The following ANKRD16 variants were observed in gnomAD, a reference collection of about 807,000 sequenced individuals.
ANKRD16 encodes the protein ankyrin repeat domain-containing protein 16.
In ANKRD16, 35 loss-of-function variants were observed where a neutral mutation model predicts 37.9. The ratio of observed to expected loss-of-function variants is 0.92; its 90% CI spans 0.71 to 1.23. The LOEUF is 1.23. ANKRD16 is among the 50% of genes most tolerant of loss of function. ANKRD16 has a pLI of 0.00. For missense variants in ANKRD16, 480 were observed against 469.9 expected (o/e 1.02, Z -0.20); for synonymous variants, 206 against 197.2 (o/e 1.04, Z -0.37).
intron 7 of ANKRD16, among the ~76,000 whole-genome samples, chr10:5,876,820 T>A (rs1454619859): frequency 1.3e-5 from 2 of 152,076 alleles, no homozygotes; most frequent in Admixed American, 1.3e-4. Context: ...TTAAAAAGCC[T>A]GATCTAGACT....
At position 5,874,205 on chromosome 10, in the gene ANKRD16, T is replaced by C. The variant is rs1483933011; in HGVS notation, c.*33+3892A>G. Among the ~76,000 whole-genome samples the C allele has an allele frequency of 2.6e-5, 4 of 152,216 alleles. No homozygotes were observed. Among genetic ancestry groups the C allele is most frequent in the South Asian group, 2.1e-4 (1 of 4,834 alleles). On this transcript the variant is annotated intron_variant, in intron 7 of 7. Transcript: ENST00000380094. This position sits in a 1 kb window ranked among gnomAD's most constrained non-coding sequence, Gnocchi z 4.7. ...TGCCTGGGCGAGACTTCTGCTTTGATTGAGCTTAGTAACACACACTCACCA... is the reference window on the plus strand; with the variant it reads ...TGCCTGGGCGAGACTTCTGCTTTGACTGAGCTTAGTAACACACACTCACCA...
At position 5,862,841 on chromosome 10, in the gene ANKRD16, C is replaced by A; in HGVS notation, c.*34-150G>T. 2.3e-6 allele frequency: 1 copy of A among 429,198 alleles called. No individual in the cohort carries two copies. Among genetic ancestry groups the A allele is most frequent in the South Asian group, 1.8e-5 (1 of 54,610 alleles). The allele number at this position is 429,198 out of a possible 1,614,324, so 26.6% of individuals were successfully genotyped here. A position where few individuals can be genotyped will look rare whatever the true frequency, so the allele number is the denominator to read the frequency against. On this transcript the variant is annotated intron_variant, in intron 7 of 7. Transcript: ENST00000380094. The surrounding 1 kb of genome is among the most constrained non-coding windows in gnomAD (Gnocchi z 6.5). ...TGCTGCACAGTCAGAGAGGGAGAGT[C>A]CCATGCGCAGTTGGAAGGGAGAAGG...
chr10:5,883,101 CCTGCCCTGTGACAG>C lies in ANKRD16; in HGVS notation c.740_753del (p.Ala247GlyfsTer10). ...GAGACCAAGAATCGGATGGCTTCGTCCTGCCCTGTGACAGCTGCCCTGTGCAGAGCCTGGGCACC... is the reference window on the plus strand; with the variant it reads ...GAGACCAAGAATCGGATGGCTTCGTCCTGCCCTGTGCAGAGCCTGGGCACC... On this transcript the variant is annotated frameshift_variant, in exon 5 of 8. Coordinates refer to ENST00000380094, the MANE Select transcript of ANKRD16 (RefSeq NM_019046.3). LOFTEE classifies it high-confidence loss of function. 6.2e-7 allele frequency: 1 copy of C among 1,614,126 alleles called. No homozygotes were observed. Among genetic ancestry groups the C allele is most frequent in the Non-Finnish European group, 8.5e-7 (1 of 1,180,026 alleles).
At position 5,874,639 on chromosome 10, in the gene ANKRD16, CA is replaced by C. The variant is rs1328724117; in HGVS notation, c.*33+3457del. Among the ~76,000 whole-genome samples, 1 of 152,188 alleles carries C rather than the reference CA, an allele frequency of 6.6e-6. No individual in the cohort carries two copies. Among genetic ancestry groups the C allele is most frequent in the African/African-American group, 2.4e-5 (1 of 41,434 alleles). ...GATGCCACCAACCAAGGCAGGAATG[CA>C]GGCCTGTATGTCAGTGGGTTGTGGG... On this transcript the variant is annotated intron_variant, in intron 7 of 7. Transcript: ENST00000380094. This position sits in a 1 kb window ranked among gnomAD's most constrained non-coding sequence, Gnocchi z 4.7.
chr10:5,875,116 G>T (rs960199236), intron 7 of ANKRD16, among the ~76,000 whole-genome samples: 3 of 152,120 alleles, frequency 2.0e-5, no homozygotes, highest in Admixed American at 1.3e-4. Context: ...ACTGCGGGGG[G>T]TGGGAGGTGC....
intron 1 of ANKRD16, 38 bp downstream of exon 1, chr10:5,889,003 T>C: frequency 6.8e-7 from 1 of 1,480,814 alleles, no homozygotes; most frequent in Non-Finnish European, 8.9e-7. Flanking sequence ...ACTCTGCGAG[T>C]AGAGGGGAGG....
In ANKRD16 at chr10:5,886,590, C is replaced by CA. The variant is rs57142806; in HGVS notation, c.536-826dup. The stretch of plus-strand genomic sequence containing the variant: ...TGGGTGACAGAGCAAGACTCTGTCT[C>CA]AAAAAAAAACAAAAGACAAAAAGCA... On this transcript the variant is annotated intron_variant, in intron 2 of 7. Coordinates refer to ENST00000380094, the MANE Select transcript of ANKRD16 (RefSeq NM_019046.3). Among the ~76,000 whole-genome samples the CA allele has an allele frequency of 8.0e-5, 12 of 150,808 alleles. No homozygotes were observed. In the South Asian group the frequency reaches 1.3e-3, roughly 16 times the overall value.
At chr10:5,888,862 G>A (rs1589029583) in intron 1 of ANKRD16, among the ~76,000 whole-genome samples, 179 bp downstream of exon 1, 1 of 152,226 alleles carries the variant, frequency 6.6e-6, no homozygotes, top group Non-Finnish European at 1.5e-5. Flanking sequence ...GAGGGACTCT[G>A]CAGGTCATCT....
intron 1 of ANKRD16, 122 bp downstream of exon 1, chr10:5,888,919 C>T: frequency 8.8e-7 from 1 of 1,134,600 alleles, no homozygotes; most frequent in Non-Finnish European, 1.2e-6. Flanking sequence ...GCTGAGCAGG[C>T]CTGGGGTGAG....
chr10:5,881,463 T>A (rs1454457886), intron 5 of ANKRD16, among the ~76,000 whole-genome samples: 21 of 131,154 alleles, frequency 1.6e-4, no homozygotes, highest in African/African-American at 3.7e-4. Context: ...TATATATATA[T>A]ATATATATAT....
Position 5,868,635 on chromosome 10 carries a change from A to T in ANKRD16, c.*34-5944T>A, listed in dbSNP as rs1274591662. 6.6e-6 allele frequency among the ~76,000 whole-genome samples: 1 copy of T among 152,194 alleles called. No homozygotes were observed. Among genetic ancestry groups the T allele is most frequent in the Non-Finnish European group, 1.5e-5 (1 of 68,038 alleles). On this transcript the variant is annotated intron_variant, in intron 7 of 7. Coordinates refer to ENST00000380094, the MANE Select transcript of ANKRD16 (RefSeq NM_019046.3). This position sits in a 1 kb window ranked among gnomAD's most constrained non-coding sequence, Gnocchi z 4.9. ...AAGGGAATAAAAGCTGGCCACCCCC[A>T]GCCAGCAGCGGCAACCCACTCGGGT...
intron 7 of ANKRD16, among the ~76,000 whole-genome samples, chr10:5,872,343 G>C (rs1269927798): frequency 6.6e-6 from 1 of 151,796 alleles, no homozygotes; most frequent in Admixed American, 6.6e-5. Flanking sequence ...GCCAGGCATG[G>C]TGGAGGGCGC....
intron 2 of ANKRD16, 127 bp downstream of exon 2, chr10:5,887,720 T>C (rs1029174254): frequency 9.7e-6 from 2 of 207,184 alleles, no homozygotes; most frequent in East Asian, 3.5e-4. Flanking sequence ...GATGTTCTTA[T>C]TCTCTGCCTT....
At chr10:5,883,457 G>C (rs940449492) in intron 4 of ANKRD16, among the ~76,000 whole-genome samples, 2 of 152,146 alleles carry the variant, frequency 1.3e-5, no homozygotes, top group Non-Finnish European at 2.9e-5. Flanking sequence ...CACCACACCT[G>C]GCTAATTTTT....
rs950590187 is a variant in ANKRD16 at position 5,866,895 on chromosome 10, CAAAG to C, written c.*34-4208_*34-4205del. 2.7e-5 allele frequency among the ~76,000 whole-genome samples: 4 copies of C among 150,308 alleles called. No homozygotes were observed. The highest frequency in any genetic ancestry group is 3.4e-3 in the Middle Eastern group (1 of 294). On this transcript the variant is annotated intron_variant, in intron 7 of 7. Coordinates refer to ENST00000380094, the MANE Select transcript of ANKRD16 (RefSeq NM_019046.3). The surrounding 1 kb of genome is among the most constrained non-coding windows in gnomAD (Gnocchi z 4.3). ...AGAAGGAGAGAGAGGAAGAGACAGA[CAAAG>C]AAGAGTCAGAGAGAGAGAAACAGAA...
Position 5,862,777 on chromosome 10 carries a change from CTGG to C in ANKRD16, c.*34-89_*34-87del. On this transcript the variant is annotated intron_variant, in intron 7 of 7. Transcript: ENST00000380094. This position sits in a 1 kb window ranked among gnomAD's most constrained non-coding sequence, Gnocchi z 6.5. ...AAGCAGCTAGCACAAGGTCCCACAG[CTGG>C]ACTCAGGGCTGCTGGCTACAGGGCC... 1 of 953,274 alleles carries C rather than the reference CTGG, an allele frequency of 1.0e-6. No individual in the cohort carries two copies. Among genetic ancestry groups the C allele is most frequent in the Non-Finnish European group, 1.5e-6 (1 of 683,004 alleles). 59.1% of individuals were successfully genotyped at this position (953,274 alleles called of 1,614,324 possible). A position where few individuals can be genotyped will look rare whatever the true frequency, so the allele number is the denominator to read the frequency against.
chr10:5,889,262 GC>G lies in ANKRD16; in HGVS notation c.92del (p.Gly31AlafsTer70), dbSNP rs1317388839. On this transcript the variant is annotated frameshift_variant, in exon 1 of 8. Coordinates refer to ENST00000380094, the MANE Select transcript of ANKRD16 (RefSeq NM_019046.3). LOFTEE classifies it high-confidence loss of function. ...ALKEELQAAG[G>X]CPGPAGDTLL... ...GGGTATCCCCGGCCGGCCCCGGGCA[GC>G]CCCCGGCCGCCTGCAGCTCCTCCTT... 47 of 1,479,300 alleles carry G rather than the reference GC, an allele frequency of 3.2e-5. No individual in the cohort carries two copies. The highest frequency in any genetic ancestry group is 4.2e-5 in the Non-Finnish European group (47 of 1,123,368). 91.6% of individuals were successfully genotyped at this position (1,479,300 alleles called of 1,614,324 possible). A position where few individuals can be genotyped will look rare whatever the true frequency, so the allele number is the denominator to read the frequency against.
intron 4 of ANKRD16, among the ~76,000 whole-genome samples, chr10:5,883,645 G>C (rs1327718592): frequency 3.3e-5 from 5 of 152,200 alleles, no homozygotes; most frequent in Admixed American, 6.5e-5. Context: ...CAATGTTCCA[G>C]GCTATGGTGC....
intron 2 of ANKRD16, 152 bp downstream of exon 2, chr10:5,887,695 A>ACCCCCCCCCCCCCCCCCCCCCC: frequency 2.3e-5 from 2 of 88,218 alleles, no homozygotes; most frequent in Non-Finnish European, 4.4e-5. Context: ...CCCCGCCCCC[A>ACCCCCCCCCCCCCCCCCCCCCC]CCCCCTCCCC....
Sources: allele counts gnomAD v4.1 joint callset (sites outside exome capture counted in the v4.1 genomes callset), GRCh38; gene constraint gnomAD v4.1.1; non-coding constraint Gnocchi (gnomAD v3.1); transcripts MANE v1.5; gene names NCBI Gene and HGNC (gene_info 2026-07-23, HGNC 2026-07-21).